Variants in WDR7 observed in about 807,000 individuals in gnomAD.
WDR7 encodes WD repeat-containing protein 7.
In WDR7, 46 loss-of-function variants were observed where a neutral mutation model predicts 169.4. The ratio of observed to expected loss-of-function variants is 0.27; its 90% CI spans 0.21 to 0.35. WDR7 has a LOEUF of 0.35. Ranked by LOEUF, WDR7 falls within the 10% of genes least tolerant of loss-of-function variation. The pLI, the probability that WDR7 is intolerant of heterozygous loss-of-function variation, is 1.00. For missense variants in WDR7, 1,534 were observed against 1,859.3 expected (o/e 0.83, Z 3.22); for synonymous variants, 612 against 666.8 (o/e 0.92, Z 1.27).
At chr18:56,758,534 A>C (rs2043933411) in intron 15 of WDR7, among the ~76,000 whole-genome samples, 2 of 152,198 alleles carry the variant, frequency 1.3e-5, no homozygotes, top group Non-Finnish European at 2.9e-5. Flanking sequence ...CTATGAATTC[A>C]CTTGGATTAA....
intron 22 of WDR7, among the ~76,000 whole-genome samples, chr18:56,932,889 G>C (rs2046908081): frequency 6.6e-6 from 1 of 151,978 alleles, no homozygotes; most frequent in South Asian, 2.1e-4. Context: ...GTGTGTGTGT[G>C]TGTGTGTGTG....
intron 16 of WDR7, among the ~76,000 whole-genome samples, chr18:56,770,354 T>A (rs2044135338): frequency 6.6e-6 from 1 of 152,224 alleles, no homozygotes; most frequent in African/African-American, 2.4e-5. Flanking sequence ...TAGTGTTAAG[T>A]GAAGTAGAAA....
At chr18:56,796,693 T>C (rs2044590646) in intron 19 of WDR7, among the ~76,000 whole-genome samples, 1 of 152,194 alleles carries the variant, frequency 6.6e-6, no homozygotes, top group African/African-American at 2.4e-5. Context: ...GAAAAAGATT[T>C]AATACCTACT....
At chr18:56,906,764 A>C (rs1021496575) in intron 21 of WDR7, among the ~76,000 whole-genome samples, 1 of 151,152 alleles carries the variant, frequency 6.6e-6, no homozygotes, top group African/African-American at 2.4e-5. Flanking sequence ...CTGGTCTTGA[A>C]CTCCTGACCT....
intron 17 of WDR7, among the ~76,000 whole-genome samples, chr18:56,778,698 T>C (rs2044274627): frequency 6.6e-6 from 1 of 152,220 alleles, no homozygotes. Context: ...TGTCTTTTTT[T>C]CCTATAATCA....
intron 21 of WDR7, among the ~76,000 whole-genome samples, chr18:56,909,244 GAA>G (rs55745367): frequency 0.7 from 106,163 of 151,728 alleles, 38,847 homozygotes; most frequent in East Asian, 0.83. Context: ...ACTGGAGAGA[GAA>G]AGAAGGGTAG....
chr18:56,694,788 CTTAA>C (rs770040502), intron 10 of WDR7, 28 bp downstream of exon 10: 79 of 1,582,418 alleles, frequency 5.0e-5, no homozygotes, highest in Admixed American at 2.0e-4. Context: ...GTAACAATTT[CTTAA>C]TTAATTTAAT....
chr18:56,769,335 G>C (rs2044117284), intron 16 of WDR7, among the ~76,000 whole-genome samples: 2 of 151,870 alleles, frequency 1.3e-5, no homozygotes, highest in African/African-American at 2.4e-5. Flanking sequence ...GAATAGTTGG[G>C]ACTATAGTCA....
At chr18:56,780,183 C>G (rs968562530) in intron 18 of WDR7, among the ~76,000 whole-genome samples, 1 of 152,128 alleles carries the variant, frequency 6.6e-6, no homozygotes, top group African/African-American at 2.4e-5. Context: ...ATGGTAGCCA[C>G]TATTTTGTGT....
intron 20 of WDR7, among the ~76,000 whole-genome samples, chr18:56,846,292 C>T (rs2045567167): frequency 6.6e-6 from 1 of 152,012 alleles, no homozygotes; most frequent in African/African-American, 2.4e-5. Flanking sequence ...TGTCCCCACT[C>T]AAATCTCAAC....
intron 19 of WDR7, among the ~76,000 whole-genome samples, chr18:56,802,523 A>ATTTTTTTTTTTT: frequency 7.6e-6 from 1 of 132,418 alleles, no homozygotes; most frequent in East Asian, 2.3e-4. Flanking sequence ...ACACCGGCTA[A>ATTTTTTTTTTTT]TTTTTTTTTT....
In WDR7 at chr18:56,776,879, A is replaced by G; in HGVS notation, c.2946A>G (p.Glu982=). 1 of 1,612,366 alleles carries G rather than the reference A, an allele frequency of 6.2e-7. No homozygotes were observed. Among genetic ancestry groups the G allele is most frequent in the Non-Finnish European group, 8.5e-7 (1 of 1,178,596 alleles). Residue 982 remains glutamate (E), a splice_region_variant and synonymous_variant, in exon 17 of 28, where the codon GAA becomes GAG. Transcript: ENST00000254442. ...PALHTCFLVN[E]GWSQLAAMHC... ...TACATACCTGTTTCTTAGTAAATGA[A>G]GGTATCTCTCTCAACTTCTAACAAC...
chr18:56,738,901 C>T (rs779293955), intron 14 of WDR7, among the ~76,000 whole-genome samples: 26 of 133,224 alleles, frequency 2.0e-4, no homozygotes, highest in Non-Finnish European at 3.7e-4. Flanking sequence ...TGAATGTTAA[C>T]TCTTTTTTGG....
intron 26 of WDR7, among the ~76,000 whole-genome samples, chr18:56,997,440 G>A (rs1002017812): frequency 4.5e-4 from 65 of 144,772 alleles, no homozygotes; most frequent in African/African-American, 1.6e-3. Context: ...AGAAGTTAAT[G>A]CATTATTGTA....
intron 14 of WDR7, among the ~76,000 whole-genome samples, chr18:56,737,610 CAGT>C (rs1243871002): frequency 6.6e-6 from 1 of 152,098 alleles, no homozygotes; most frequent in Admixed American, 6.6e-5. Context: ...TTGCAAAGGT[CAGT>C]AGCTTTGTAT....
intron 1 of WDR7, among the ~76,000 whole-genome samples, chr18:56,665,598 A>G (rs981000093): frequency 4.6e-5 from 7 of 152,192 alleles, no homozygotes; most frequent in Non-Finnish European, 7.3e-5. Context: ...GCAGTGTTCC[A>G]TTATAAAGCT....
At chr18:56,949,315 T>C (rs1447380979) in intron 25 of WDR7, among the ~76,000 whole-genome samples, 2 of 152,232 alleles carry the variant, frequency 1.3e-5, no homozygotes, top group African/African-American at 4.8e-5. Flanking sequence ...AAATTAAAAC[T>C]GAGCATTTTA....
intron 20 of WDR7, among the ~76,000 whole-genome samples, chr18:56,851,855 G>T (rs2045645311): frequency 6.6e-6 from 1 of 152,160 alleles, no homozygotes; most frequent in Admixed American, 6.5e-5. Flanking sequence ...CTCATTGTTA[G>T]CACATATAGC....
chr18:56,682,495 CTT>C (rs2025368430), intron 4 of WDR7, among the ~76,000 whole-genome samples, 182 bp from the exon 5 acceptor site: 1 of 152,080 alleles, frequency 6.6e-6, no homozygotes, highest in African/African-American at 2.4e-5. Flanking sequence ...TTTAATATAA[CTT>C]AATATATGTG....
Sources: gnomAD v4.1 joint callset for allele counts (sites outside exome capture counted in the v4.1 genomes callset) on GRCh38, gnomAD v4.1.1 for gene constraint, MANE v1.5 for transcripts, NCBI Gene and HGNC (gene_info 2026-07-23, HGNC 2026-07-21) for gene names.